Variants in RIC1 observed in about 807,000 individuals in gnomAD.
RIC1 encodes guanine nucleotide exchange factor subunit RIC1.
In RIC1, 88 loss-of-function variants were observed where a neutral mutation model predicts 169.0. The observed-to-expected ratio is 0.52, with a 90% confidence interval of 0.44 to 0.62. The LOEUF (loss-of-function observed/expected upper bound fraction) is 0.62. Among genes scored for constraint, RIC1 ranks in the 20% least tolerant of loss-of-function variants. The pLI is 0.00. For missense variants in RIC1, 1,877 were observed against 1,725.5 expected (o/e 1.09, Z -1.56); for synonymous variants, 790 against 601.5 (o/e 1.31, Z -4.59).
intron 1 of RIC1, among the ~76,000 whole-genome samples, chr9:5,649,218 C>G (rs1232432935): frequency 6.6e-6 from 1 of 152,100 alleles, no homozygotes; most frequent in Non-Finnish European, 1.5e-5. Flanking sequence ...AAATTAATAC[C>G]AAGAGGAACT....
rs1039744207 is a variant in RIC1, at chr9:5,685,522, G to A, written c.253-4437G>A. On this transcript the variant is annotated intron_variant, in intron 2 of 25. Coordinates refer to ENST00000414202, the MANE Select transcript of RIC1 (RefSeq NM_020829.4). ...ACAAACCTGAGAAAAACAAGCAATG[G>A]GGAAAGGATTCCCTATTTAATAAAT... Among the ~76,000 whole-genome samples, 1,053 of 149,428 alleles carry A rather than the reference G, an allele frequency of 7.0e-3. 14 individuals carry two copies. Among genetic ancestry groups the A allele is most frequent in the East Asian group, 0.057 (287 of 5,004 alleles).
At chr9:5,728,504 G>A (rs1005115026) in intron 6 of RIC1, among the ~76,000 whole-genome samples, 2 of 152,238 alleles carry the variant, frequency 1.3e-5, no homozygotes, top group African/African-American at 2.4e-5. Context: ...GTGAGGTGAT[G>A]CCCTGTCCTC....
chr9:5,705,275 C>T (rs756139357), intron 3 of RIC1, among the ~76,000 whole-genome samples: 2 of 144,226 alleles, frequency 1.4e-5, no homozygotes, highest in African/African-American at 2.6e-5. Context: ...GAAGTATTAT[C>T]GTAACAATAT....
intron 2 of RIC1, among the ~76,000 whole-genome samples, chr9:5,688,718 C>T (rs755082774): frequency 6.6e-6 from 1 of 152,144 alleles, no homozygotes; most frequent in East Asian, 1.9e-4. Flanking sequence ...TAAGTATTTT[C>T]TTGGTCATTC....
chr9:5,707,566 C>G (rs966661219), intron 3 of RIC1, among the ~76,000 whole-genome samples: 6 of 152,002 alleles, frequency 3.9e-5, no homozygotes, highest in Non-Finnish European at 7.4e-5. Context: ...ATATTTGAAT[C>G]TCTTTATAGG....
rs34816836 is a variant in RIC1, at chr9:5,722,382, T to TGTAC, written c.720+1632_720+1633insGTAC. Among the ~76,000 whole-genome samples the TGTAC allele has an allele frequency of 4.0e-5, 6 of 150,258 alleles. No homozygotes were observed. In the South Asian group the frequency reaches 8.4e-4, roughly 21 times the overall value. On this transcript the variant is annotated intron_variant, in intron 6 of 25. Transcript: ENST00000414202. Reference sequence around the variant, plus strand: ...GTGTGTGTGTGTGTGTGTGTGTGTGTACCTATGCAGTGTATGTGTGGGTCT... The same window carrying TGTAC: ...GTGTGTGTGTGTGTGTGTGTGTGTGTGTACACCTATGCAGTGTATGTGTGGGTCT...
chr9:5,717,743 G>C (rs565263096), intron 4 of RIC1, among the ~76,000 whole-genome samples: 2 of 151,952 alleles, frequency 1.3e-5, no homozygotes, highest in African/African-American at 4.8e-5. Context: ...TACTCAGGAG[G>C]CTGAGGCAGG....
intron 3 of RIC1, among the ~76,000 whole-genome samples, chr9:5,706,663 G>A (rs1422089490): frequency 6.6e-6 from 1 of 151,896 alleles, no homozygotes; most frequent in African/African-American, 2.4e-5. Context: ...TTATTTCCTC[G>A]AGTCAGTTGG....
chr9:5,702,489 A>C (rs1379179974), intron 3 of RIC1, among the ~76,000 whole-genome samples: 1 of 151,324 alleles, frequency 6.6e-6, no homozygotes, highest in South Asian at 2.1e-4. Context: ...GGTGCTACAC[A>C]CTTACACACT....
chr9:5,696,754 A>T (rs1231844231), intron 3 of RIC1, among the ~76,000 whole-genome samples: 1 of 152,194 alleles, frequency 6.6e-6, no homozygotes. Context: ...GTCATATCAC[A>T]TGTCTAGTAA....
At chr9:5,705,454 C>T (rs904781103) in intron 3 of RIC1, among the ~76,000 whole-genome samples, 8 of 151,902 alleles carry the variant, frequency 5.3e-5, no homozygotes, top group Non-Finnish European at 7.4e-5. Context: ...TTATTGCTAG[C>T]GTAGAGAAAT....
At chr9:5,729,005 C>T (rs970784308) in intron 6 of RIC1, among the ~76,000 whole-genome samples, 1 of 152,120 alleles carries the variant, frequency 6.6e-6, no homozygotes, top group Non-Finnish European at 1.5e-5. Context: ...CATACCCTTC[C>T]CTCTGTCCCT....
Position 5,647,190 on chromosome 9 carries a change from G to C in RIC1, c.145-9393G>C, listed in dbSNP as rs111337537. Reference sequence around the variant, plus strand: ...GGTCTATATGTGTATCCTTGTGCCAGTACGACAGTATTTTGATTGCTGTAG... The same window carrying C: ...GGTCTATATGTGTATCCTTGTGCCACTACGACAGTATTTTGATTGCTGTAG... On this transcript the variant is annotated intron_variant, in intron 1 of 25. Transcript: ENST00000414202. Among the ~76,000 whole-genome samples, 578 of 152,298 alleles carry C rather than the reference G, an allele frequency of 3.8e-3. 2 individuals are homozygous for C. Among genetic ancestry groups the C allele is most frequent in the African/African-American group, 0.014 (563 of 41,568 alleles).
chr9:5,675,548 C>G (rs952097802), intron 2 of RIC1, among the ~76,000 whole-genome samples: 1 of 152,100 alleles, frequency 6.6e-6, no homozygotes, highest in South Asian at 2.1e-4. Context: ...CTTCAACTTA[C>G]GACAAGTATA....
At chr9:5,714,129 A>G (rs367655329) in intron 4 of RIC1, 126 bp downstream of exon 4, 4 of 550,922 alleles carry the variant, frequency 7.3e-6, no homozygotes, top group African/African-American at 3.8e-5. Flanking sequence ...AGTTCTGGAA[A>G]TGCTTGATTA....
At position 5,746,033 on chromosome 9, in the gene RIC1, A is replaced by G. The variant is rs1292259362; in HGVS notation, c.1198A>G (p.Ile400Val). ...DLRSVVKQPS[I>V]LLFQFIKSVL... Reference sequence around the variant, plus strand: ...CAGGAGTGTAGTTAAACAGCCCAGCATCCTGTTATTTCAGTTTATTAAGAG... The same window carrying G: ...CAGGAGTGTAGTTAAACAGCCCAGCGTCCTGTTATTTCAGTTTATTAAGAG... The change falls in exon 11 of 26, where the codon ATC (isoleucine) becomes GTC (valine). Residue 400 changes from isoleucine to valine, a missense_variant. By Grantham distance (29) the Ile-to-Val change is conservative (BLOSUM62 3). Transcript: ENST00000414202. 3.1e-6 allele frequency: 5 copies of G among 1,613,678 alleles called. No individual in the cohort carries two copies. The highest frequency in any genetic ancestry group is 2.7e-5 in the African/African-American group (2 of 75,030).
At chr9:5,762,250 C>A (rs1451964660) in intron 17 of RIC1, among the ~76,000 whole-genome samples, 2 of 152,288 alleles carry the variant, frequency 1.3e-5, no homozygotes, top group East Asian at 3.9e-4. Flanking sequence ...GAAGTGATCT[C>A]TCATTTTTAT....
chr9:5,773,994 A>G lies in RIC1; in HGVS notation c.4020A>G (p.Pro1340=). 2 of 1,612,300 alleles carry G rather than the reference A, an allele frequency of 1.2e-6. No homozygotes were observed. Among genetic ancestry groups the G allele is most frequent in the Non-Finnish European group, 1.7e-6 (2 of 1,179,346 alleles). Residue 1340 remains proline (P), a synonymous_variant, in exon 26 of 26, where the codon CCA becomes CCG. Transcript: ENST00000414202. ...AGCCATTTTTAAACATCATTAAGCC[A>G]CAACTGCAGAAGCTCAGTGAGATAA... ...GYKPFLNIIK[P]QLQKLSEITE...
intron 1 of RIC1, among the ~76,000 whole-genome samples, chr9:5,647,933 G>C (rs777352480): frequency 1.4e-4 from 18 of 131,206 alleles, no homozygotes; most frequent in Non-Finnish European, 2.6e-4. Context: ...TGTGTGTGGG[G>C]GTGGGTGGTG....
Sources: gnomAD v4.1 joint callset for allele counts (sites outside exome capture counted in the v4.1 genomes callset) on GRCh38, gnomAD v4.1.1 for gene constraint, MANE v1.5 for transcripts, NCBI Gene and HGNC (gene_info 2026-07-23, HGNC 2026-07-21) for gene names.